Variants in CALM2 observed in about 807,000 individuals in gnomAD.
CALM2 encodes the protein calmodulin 2.
CALM2 carries 2 observed loss-of-function variants against 19.8 expected under a neutral mutation model. That is an observed-to-expected ratio of 0.10 (90% CI 0.04 to 0.32). The LOEUF (loss-of-function observed/expected upper bound fraction) is 0.32, where lower values mean the gene tolerates loss of function less well. Among genes scored for constraint, CALM2 ranks in the 10% least tolerant of loss-of-function variants. The pLI is 1.00. For synonymous variants in CALM2, 51 were observed against 52.1 expected (o/e 0.98, Z 0.09); for missense variants, 38 against 178.7 (o/e 0.21, Z 4.49).
rs4953472 is a variant in CALM2, at chr2:47,172,462, A to G, written c.4-1698T>C. ...GAGATGCTATGTACAAAGCTAACCT[A>G]AAGAGTTAAATGATAACCATTATTT... On this transcript the variant is annotated intron_variant, in intron 1 of 5. Coordinates refer to ENST00000272298, the MANE Select transcript of CALM2 (RefSeq NM_001743.6). The G allele has an allele frequency of 0.098, 106,489 of 1,086,896 alleles. 7,035 individuals carry two copies. Among genetic ancestry groups the G allele is most frequent in the African/African-American group, 0.25 (15,194 of 60,942 alleles). The allele number at this position is 1,086,896 out of a possible 1,614,324, so 67.3% of individuals were successfully genotyped here. A position where few individuals can be genotyped will look rare whatever the true frequency, so the allele number is the denominator to read the frequency against.
intron 4 of CALM2, 115 bp downstream of exon 4, chr2:47,162,171 C>CAAAAAAAAAAAAAAAAAAAA (rs56839340): frequency 6.1e-5 from 8 of 130,112 alleles, no homozygotes; most frequent in East Asian, 2.7e-4. Context: ...GGTAAATCAT[C>CAAAAAAAAAAAAAAAAAAAA]AAAAAAAAAA....
At chr2:47,176,747 AGCGGCCCCTGAGGGGCGCTACTTT>A (rs1238448012), upstream of CALM2, 3 of 1,368,672 alleles carry the variant, frequency 2.2e-6, no homozygotes, top group African/African-American at 2.9e-5. Context: ...AGGCCGGTGG[AGCGGCCCCTGAGGGGCGCTACTTT>A]GCGGCGCGGA....
At chr2:47,170,887 A>G in intron 1 of CALM2, 123 bp from the exon 2 acceptor site, 1 of 780,974 alleles carries the variant, frequency 1.3e-6, no homozygotes, top group East Asian at 2.5e-5. Context: ...AGCAACAAAC[A>G]CATCTGGATA....
At chr2:47,176,660 G>C (rs73926766), upstream of CALM2, 5,979 of 1,457,916 alleles carry the variant, frequency 4.1e-3, 223 homozygotes, top group African/African-American at 0.074. Flanking sequence ...ACAGTTATTT[G>C]GTCGATGAGG....
intron 2 of CALM2, among the ~76,000 whole-genome samples, chr2:47,169,626 TAAA>T (rs1666603938): frequency 6.6e-6 from 1 of 152,102 alleles, no homozygotes; most frequent in Non-Finnish European, 1.5e-5. Flanking sequence ...ACACAATAAA[TAAA>T]AATAAAACCT....
intron 1 of CALM2, among the ~76,000 whole-genome samples, chr2:47,175,062 A>T (rs1401662589): frequency 7.9e-6 from 1 of 125,938 alleles, no homozygotes; most frequent in Admixed American, 9.1e-5. Flanking sequence ...AGTATCACAG[A>T]TCACCGCCCT....
rs529917617 is a variant in CALM2, at chr2:47,174,643, G to A, written c.3+1798C>T. The stretch of plus-strand genomic sequence containing the variant: ...CAGTAACTACAAAAGCTTAACACTG[G>A]GCAAGGGACCACAAATGCGTAGATA... On this transcript the variant is annotated intron_variant, in intron 1 of 5. Transcript: ENST00000272298. Among the ~76,000 whole-genome samples the A allele has an allele frequency of 8.6e-5, 13 of 151,460 alleles. No individual in the cohort carries two copies. In the South Asian group the frequency reaches 1.2e-3, roughly 15 times the overall value.
chr2:47,176,134 C>T, intron 1 of CALM2: 1 of 405,688 alleles, frequency 2.5e-6, no homozygotes. Context: ...TTCTCTCCTT[C>T]CCGTGCACTG....
At chr2:47,169,144 G>T (rs944349333) in intron 2 of CALM2, among the ~76,000 whole-genome samples, 1 of 152,134 alleles carries the variant, frequency 6.6e-6, no homozygotes, top group Admixed American at 6.6e-5. Flanking sequence ...ACTGAGTAAC[G>T]TTTTCTACCC....
At chr2:47,167,057 A>G (rs1461077212) in intron 2 of CALM2, among the ~76,000 whole-genome samples, 1 of 152,216 alleles carries the variant, frequency 6.6e-6, no homozygotes, top group East Asian at 1.9e-4. Flanking sequence ...TCACAAGACA[A>G]TTACAAAACA....
chr2:47,164,698 T>C (rs2103831074), intron 2 of CALM2, among the ~76,000 whole-genome samples: 1 of 152,346 alleles, frequency 6.6e-6, no homozygotes, highest in African/African-American at 2.4e-5. Flanking sequence ...AAGTAAGTCA[T>C]TTCCCAGAAA....
intron 2 of CALM2, among the ~76,000 whole-genome samples, chr2:47,164,347 AACACACACACACACAC>A (rs61085424): frequency 1.1e-4 from 16 of 139,848 alleles, no homozygotes; most frequent in South Asian, 4.5e-4. Flanking sequence ...TCTCTACTAA[AACACACACACACACAC>A]ACACACACAC....
intron 2 of CALM2, among the ~76,000 whole-genome samples, chr2:47,166,901 G>A (rs554541663): frequency 6.6e-6 from 1 of 151,592 alleles, no homozygotes; most frequent in Admixed American, 6.5e-5. Context: ...CATTTTAGCT[G>A]ACCAAACTGA....
At chr2:47,175,568 T>A (rs530691504) in intron 1 of CALM2, among the ~76,000 whole-genome samples, 1 of 152,270 alleles carries the variant, frequency 6.6e-6, no homozygotes, top group African/African-American at 2.4e-5. Flanking sequence ...GACAGACACT[T>A]TAAAAAGCAA....
Position 47,160,757 on chromosome 2 carries a change from C to A in CALM2, c.*19G>T. The A allele has an allele frequency of 7.2e-7, 1 of 1,394,300 alleles. No homozygotes were observed. The highest frequency in any genetic ancestry group is 9.6e-7 in the Non-Finnish European group (1 of 1,040,006). 86.4% of individuals were successfully genotyped at this position (1,394,300 alleles called of 1,614,324 possible). A position where few individuals can be genotyped will look rare whatever the true frequency, so the allele number is the denominator to read the frequency against. On this transcript the variant is annotated 3_prime_UTR_variant, in exon 6 of 6. Coordinates refer to ENST00000272298, the MANE Select transcript of CALM2 (RefSeq NM_001743.6). ...AAACAATTTTGTACAAGAAATTTAA[C>A]ACATTCTGTACAAGGTCTTCACTTT... is the stretch of plus-strand genomic sequence containing the variant.
chr2:47,175,081 G>GGTTTTTTTTTTT (rs1553433850), intron 1 of CALM2, among the ~76,000 whole-genome samples: 2 of 77,964 alleles, frequency 2.6e-5, no homozygotes, highest in African/African-American at 9.2e-5. Flanking sequence ...CTCATTAGGT[G>GGTTTTTTTTTTT]TTTTTTTTTT....
chr2:47,167,824 G>C lies in CALM2; in HGVS notation c.34+2910C>G, dbSNP rs1242064997. 14 of 5,808 alleles carry C rather than the reference G, an allele frequency of 2.4e-3. 1 individual carries two copies. Among genetic ancestry groups the C allele is most frequent in the African/African-American group, 8.9e-3 (14 of 1,578 alleles). The allele number at this position is 5,808 out of a possible 1,614,324, so 0.4% of individuals were successfully genotyped here. ...ATTTTTTTTTCTTTTCTTTGAGACA[G>C]GGTCTTGCTGTGTTGCCCAGACTGG... On this transcript the variant is annotated intron_variant, in intron 2 of 5. Transcript: ENST00000272298.
intron 2 of CALM2, among the ~76,000 whole-genome samples, chr2:47,168,537 G>A (rs1399157273): frequency 1.3e-5 from 2 of 151,922 alleles, no homozygotes; most frequent in East Asian, 3.9e-4. Flanking sequence ...TTGCGAGTTT[G>A]AGACCAGCCT....
At chr2:47,165,197 T>G (rs1666426151) in intron 2 of CALM2, among the ~76,000 whole-genome samples, 1 of 152,242 alleles carries the variant, frequency 6.6e-6, no homozygotes, top group Non-Finnish European at 1.5e-5. Context: ...TGCTTCAATG[T>G]GAAGCCATAT....
Sources: allele counts gnomAD v4.1 joint callset (sites outside exome capture counted in the v4.1 genomes callset), GRCh38; gene constraint gnomAD v4.1.1; transcripts MANE v1.5; gene names NCBI Gene and HGNC (gene_info 2026-07-23, HGNC 2026-07-21).